PTPRG: variants seen among roughly 807,000 people sequenced by gnomAD.
PTPRG encodes protein tyrosine phosphatase receptor type G.
PTPRG carries 102 observed loss-of-function variants against 165.3 expected under a neutral mutation model. That is an observed-to-expected ratio of 0.62 (90% confidence interval 0.53 to 0.73). The LOEUF is 0.73. PTPRG is among the 30% of genes least tolerant of loss of function. PTPRG has a pLI of 0.00. For synonymous variants in PTPRG, 675 were observed against 669.5 expected, an observed-to-expected ratio of 1.01 and a Z score of -0.13; for missense variants, 1,866 against 1,861.4, an observed-to-expected ratio of 1.00 and a Z score of -0.05.
intron 1 of PTPRG, among the ~76,000 whole-genome samples, chr3:61,632,121 A>G (rs754623454): frequency 7.9e-5 from 12 of 152,166 alleles, no homozygotes; most frequent in African/African-American, 1.7e-4. Context: ...CCTTGGCAAC[A>G]TGGCTAAACC....
At chr3:61,612,767 G>A (rs1188536748) in intron 1 of PTPRG, among the ~76,000 whole-genome samples, 1 of 152,150 alleles carries the variant, frequency 6.6e-6, no homozygotes, top group African/African-American at 2.4e-5. Context: ...AGATTGCCAG[G>A]TTGTAAATCA....
At chr3:61,656,399 A>G (rs1470357221) in intron 1 of PTPRG, among the ~76,000 whole-genome samples, 2 of 152,146 alleles carry the variant, frequency 1.3e-5, no homozygotes, top group African/African-American at 4.8e-5. Flanking sequence ...TTACATATGA[A>G]TAGTTAAAAA....
intron 5 of PTPRG, among the ~76,000 whole-genome samples, chr3:62,092,294 G>C (rs1684183027): frequency 6.6e-6 from 1 of 151,860 alleles, no homozygotes; most frequent in African/African-American, 2.4e-5. Flanking sequence ...ACAAAATTTA[G>C]CTGGCCGTGG....
intron 26 of PTPRG, among the ~76,000 whole-genome samples, chr3:62,277,995 G>A (rs1702291325): frequency 6.6e-6 from 1 of 152,084 alleles, no homozygotes; most frequent in Non-Finnish European, 1.5e-5. Flanking sequence ...CTTCCCTGCT[G>A]TATGTCACTT....
intron 2 of PTPRG, among the ~76,000 whole-genome samples, chr3:61,913,110 A>G (rs1026388666): frequency 6.6e-6 from 1 of 152,192 alleles, no homozygotes; most frequent in Non-Finnish European, 1.5e-5. Context: ...GTTATGTTAT[A>G]TGGATGTATT....
At chr3:61,829,865 T>C (rs2036223867) in intron 2 of PTPRG, among the ~76,000 whole-genome samples, 2 of 152,202 alleles carry the variant, frequency 1.3e-5, no homozygotes, top group African/African-American at 2.4e-5. Context: ...AGCGCCTGTG[T>C]ATTTTGGAGG....
chr3:61,804,371 T>C (rs545486236), intron 2 of PTPRG, among the ~76,000 whole-genome samples: 7 of 152,318 alleles, frequency 4.6e-5, no homozygotes, highest in African/African-American at 1.7e-4. Context: ...GGATGTGAGC[T>C]CTGTCACCTG....
At chr3:61,815,163 G>A (rs1360083903) in intron 2 of PTPRG, among the ~76,000 whole-genome samples, 3 of 151,654 alleles carry the variant, frequency 2.0e-5, no homozygotes, top group African/African-American at 7.3e-5. Context: ...TTGGGAGGCC[G>A]AGGTGGGTGG....
rs148036352 is a variant in PTPRG at position 62,231,288 on chromosome 3, G to T, written c.2352G>T (p.Gly784=). ...PRRFREVPSS[G]ERGEKGSRKC... ...GTTTCCGTGAAGTGCCTTCTTCTGGGGAGAGAGGAGAGAAGGGGAGCAGGT... is the reference window on the plus strand; with the variant it reads ...GTTTCCGTGAAGTGCCTTCTTCTGGTGAGAGAGGAGAGAAGGGGAGCAGGT... The change falls in exon 14 of 30, where the codon GGG becomes GGT. Residue 784 remains glycine, a synonymous_variant. Coordinates refer to ENST00000474889, the MANE Select transcript of PTPRG (RefSeq NM_002841.4). The T allele has an allele frequency of 1.9e-6, 3 of 1,596,998 alleles. No homozygotes were observed. The African/African-American group carries it at 4.0e-5, about 22-fold the overall frequency.
At chr3:61,919,315 TAAGGATG>T (rs2039021087) in intron 2 of PTPRG, among the ~76,000 whole-genome samples, 1 of 152,174 alleles carries the variant, frequency 6.6e-6, no homozygotes, top group African/African-American at 2.4e-5. Flanking sequence ...CTCTGCAAAG[TAAGGATG>T]TGGTAGAAAT....
intron 2 of PTPRG, chr3:61,925,981 G>A (rs1199594666): frequency 2.2e-6 from 1 of 464,096 alleles, no homozygotes; most frequent in East Asian, 6.4e-5. Flanking sequence ...CAGCACCAGC[G>A]TCACCTGCCA....
At chr3:62,072,852 G>C (rs907244297) in intron 4 of PTPRG, among the ~76,000 whole-genome samples, 2 of 152,106 alleles carry the variant, frequency 1.3e-5, no homozygotes, top group African/African-American at 4.8e-5. Flanking sequence ...AAAATACTGA[G>C]TTAAAGTTAC....
chr3:61,960,230 C>T (rs751356659), intron 2 of PTPRG, among the ~76,000 whole-genome samples: 4 of 152,012 alleles, frequency 2.6e-5, no homozygotes, highest in Non-Finnish European at 5.9e-5. Flanking sequence ...TCTTGGATCT[C>T]GGTGCTTGGT....
Position 62,293,146 on chromosome 3 carries a change from C to T in PTPRG, c.4192-15C>T, listed in dbSNP as rs373406084. On this transcript the variant is annotated splice_polypyrimidine_tract_variant and intron_variant, in intron 29 of 29. Coordinates refer to ENST00000474889, the MANE Select transcript of PTPRG (RefSeq NM_002841.4). ...ACTGTTCTTTGGCTCAAACTGTCTT[C>T]CTCTTGTTTTTCAGGAACAATACCA... The T allele has an allele frequency of 1.4e-4, 224 of 1,552,422 alleles. 1 individual carries two copies. The highest frequency in any genetic ancestry group is 1.8e-4 in the Non-Finnish European group (203 of 1,152,742).
intron 4 of PTPRG, among the ~76,000 whole-genome samples, chr3:62,021,564 T>C (rs1360822486): frequency 6.6e-6 from 1 of 152,232 alleles, no homozygotes; most frequent in African/African-American, 2.4e-5. Flanking sequence ...TGGGCTAGAA[T>C]TAGTGATCAG....
chr3:61,672,790 A>AGGGAGAGAGGGG (rs1703077463), intron 1 of PTPRG, among the ~76,000 whole-genome samples: 1 of 128,228 alleles, frequency 7.8e-6, no homozygotes, highest in Non-Finnish European at 1.6e-5. Flanking sequence ...AGGGAGAGAG[A>AGGGAGAGAGGGG]GGGAGAGAGG....
chr3:62,106,980 C>T (rs534472886), intron 5 of PTPRG, among the ~76,000 whole-genome samples: 5 of 152,264 alleles, frequency 3.3e-5, no homozygotes, highest in African/African-American at 1.2e-4. Flanking sequence ...TTCTGGATTA[C>T]CTTCACTGGC....
intron 2 of PTPRG, among the ~76,000 whole-genome samples, chr3:61,852,579 G>A (rs2036994111): frequency 1.3e-5 from 2 of 152,190 alleles, no homozygotes; most frequent in South Asian, 4.1e-4. Context: ...GATAAATATT[G>A]TGTTTCTTAC....
At chr3:61,888,324 T>TTTTTTG (rs1373334295) in intron 2 of PTPRG, among the ~76,000 whole-genome samples, 23 of 143,494 alleles carry the variant, frequency 1.6e-4, no homozygotes, top group African/African-American at 6.3e-4. Context: ...AATGGGTTGT[T>TTTTTTG]TTTTTTGTTT....
Sources: gnomAD v4.1 joint callset for allele counts (sites outside exome capture counted in the v4.1 genomes callset) on GRCh38, gnomAD v4.1.1 for gene constraint, MANE v1.5 for transcripts, NCBI Gene and HGNC (gene_info 2026-07-23, HGNC 2026-07-21) for gene names.